PHACTR3: variants seen among roughly 807,000 people sequenced by gnomAD.
PHACTR3 encodes protein phosphatase 1, regulatory subunit 123.
A neutral mutation model predicts 66.8 loss-of-function variants in PHACTR3; 16 were observed. The ratio of observed to expected loss-of-function variants is 0.24; its 90% CI spans 0.16 to 0.36. The LOEUF (loss-of-function observed/expected upper bound fraction) is 0.36. PHACTR3 is among the 10% of genes least tolerant of loss of function. PHACTR3 has a pLI of 1.00. For synonymous variants in PHACTR3, 323 were observed against 292.1 expected (o/e 1.11, Z -1.08); for missense variants, 647 against 719.9 (o/e 0.90, Z 1.16).
intron 8 of PHACTR3, among the ~76,000 whole-genome samples, chr20:59,817,539 G>A (rs2041920745): frequency 6.6e-6 from 1 of 152,272 alleles, no homozygotes; most frequent in African/African-American, 2.4e-5. Context: ...CGCCACAGGA[G>A]GCGGGTGGGG....
chr20:59,723,044 T>C (rs533493972), intron 1 of PHACTR3, among the ~76,000 whole-genome samples: 13 of 149,718 alleles, frequency 8.7e-5, no homozygotes, highest in African/African-American at 2.2e-4. Flanking sequence ...TTATTTCTCT[T>C]TTTCTTTCTT....
At chr20:59,702,347 G>T (rs2037535754) in intron 1 of PHACTR3, among the ~76,000 whole-genome samples, 1 of 152,010 alleles carries the variant, frequency 6.6e-6, no homozygotes, top group South Asian at 2.1e-4. Context: ...GTTCTTTTGT[G>T]CACCATGTTG....
chr20:59,820,606 A>G lies in PHACTR3; in HGVS notation c.1328+14412A>G, dbSNP rs931749279. On this transcript the variant is annotated intron_variant, in intron 8 of 12. Transcript: ENST00000371015. The surrounding 1 kb of genome is among the most constrained non-coding windows in gnomAD (Gnocchi z 4.6). ...TGCAGGGTACAGGGAGTGGGTCCCG[A>G]GTCCCATCCTGTGCAGGGGAGAGGC... Among the ~76,000 whole-genome samples the G allele has an allele frequency of 6.6e-6, 1 of 152,172 alleles. No individual in the cohort carries two copies. Among genetic ancestry groups the G allele is most frequent in the Non-Finnish European group, 1.5e-5 (1 of 68,030 alleles).
rs2040861664 is a variant in PHACTR3, at chr20:59,785,106, G to A, written c.1174+10616G>A. Among the ~76,000 whole-genome samples, 3 of 152,314 alleles carry A rather than the reference G, an allele frequency of 2.0e-5. No homozygotes were observed. The South Asian group carries it at 6.2e-4, about 32-fold the overall frequency. On this transcript the variant is annotated intron_variant, in intron 7 of 12. Transcript: ENST00000371015. ...GGGTCTGCAGGGAGTGTCAGAGTCAGCTCCAGCTGCCGTAACAGGATACCA... is the reference window on the plus strand; with the variant it reads ...GGGTCTGCAGGGAGTGTCAGAGTCAACTCCAGCTGCCGTAACAGGATACCA...
intron 2 of PHACTR3, among the ~76,000 whole-genome samples, chr20:59,744,266 A>T (rs2039283022): frequency 6.6e-6 from 1 of 152,210 alleles, no homozygotes; most frequent in Non-Finnish European, 1.5e-5. Context: ...GGCGGGGCTG[A>T]GGCTTGGACC....
chr20:59,828,508 G>T lies in PHACTR3; in HGVS notation c.1329-7997G>T, dbSNP rs533688667. 4.6e-5 allele frequency among the ~76,000 whole-genome samples: 7 copies of T among 152,224 alleles called. No individual in the cohort carries two copies. In the South Asian group the frequency reaches 1.2e-3, roughly 27 times the overall value. On this transcript the variant is annotated intron_variant, in intron 8 of 12. Transcript: ENST00000371015. ...TATATTGCAGATAGGGTGTTATGTT[G>T]TTTTTTTGGTTATGCGTGTCAGGGA...
intron 8 of PHACTR3, among the ~76,000 whole-genome samples, chr20:59,828,632 G>A (rs747836365): frequency 1.3e-3 from 195 of 152,136 alleles, no homozygotes; most frequent in Middle Eastern, 3.4e-3. Context: ...CATCTTTGCC[G>A]GACAGGGACA....
At chr20:59,740,405 C>T (rs544283604) in intron 1 of PHACTR3, among the ~76,000 whole-genome samples, 1 of 152,078 alleles carries the variant, frequency 6.6e-6, no homozygotes, top group Admixed American at 6.5e-5. Flanking sequence ...ACCTCCTAGG[C>T]TCAAGTGATC....
chr20:59,644,480 G>A (rs1284927596), intron 1 of PHACTR3, among the ~76,000 whole-genome samples: 2 of 152,180 alleles, frequency 1.3e-5, no homozygotes, highest in Non-Finnish European at 2.9e-5. Flanking sequence ...CTGAATTGTA[G>A]ACTCCAACAG....
intron 1 of PHACTR3, among the ~76,000 whole-genome samples, chr20:59,701,202 G>A (rs934557955): frequency 7.9e-5 from 12 of 152,258 alleles, no homozygotes; most frequent in African/African-American, 2.9e-4. Flanking sequence ...CTTGTATTTA[G>A]CAAAAGCTCC....
At chr20:59,753,348 C>T (rs1034148457) in intron 3 of PHACTR3, among the ~76,000 whole-genome samples, 2 of 152,118 alleles carry the variant, frequency 1.3e-5, no homozygotes, top group Admixed American at 6.5e-5. Context: ...TTTTCATTCT[C>T]CCCGGAGGAG....
chr20:59,718,178 ACTGTT>A (rs79366427), intron 1 of PHACTR3, among the ~76,000 whole-genome samples: 2 of 152,170 alleles, frequency 1.3e-5, no homozygotes, highest in Non-Finnish European at 2.9e-5. Flanking sequence ...CAGCTGTGTC[ACTGTT>A]GGTGCCCACC....
At chr20:59,813,206 C>T (rs2041789182) in intron 8 of PHACTR3, among the ~76,000 whole-genome samples, 1 of 136,250 alleles carries the variant, frequency 7.3e-6, no homozygotes, top group Admixed American at 6.9e-5. Context: ...GATCTTACTA[C>T]CTTCCCCAAG....
chr20:59,755,005 G>T (rs939994699), intron 3 of PHACTR3, among the ~76,000 whole-genome samples, 177 bp from the exon 4 acceptor site: 2 of 152,158 alleles, frequency 1.3e-5, no homozygotes, highest in Admixed American at 1.3e-4. Flanking sequence ...GAGGTGCCCA[G>T]GGCTCCCCTG....
intron 1 of PHACTR3, among the ~76,000 whole-genome samples, chr20:59,656,510 A>G (rs542893709): frequency 6.6e-6 from 1 of 151,702 alleles, no homozygotes; most frequent in Non-Finnish European, 1.5e-5. Flanking sequence ...TCCATTCTTT[A>G]CTTCAAACTG....
upstream of PHACTR3, among the ~76,000 whole-genome samples, chr20:59,602,704 C>T (rs1399334986): frequency 2.0e-5 from 3 of 152,142 alleles, no homozygotes; most frequent in Non-Finnish European, 4.4e-5. Flanking sequence ...GGGTCAGCTG[C>T]AGGCTTCCTT....
intron 1 of PHACTR3, among the ~76,000 whole-genome samples, chr20:59,694,607 A>T (rs756196073): frequency 9.3e-4 from 142 of 152,148 alleles, no homozygotes; most frequent in Non-Finnish European, 1.4e-3. Flanking sequence ...TTATTCTTCA[A>T]CAAGCTAGGT....
At chr20:59,725,994 C>A (rs1465234245) in intron 1 of PHACTR3, among the ~76,000 whole-genome samples, 3 of 152,198 alleles carry the variant, frequency 2.0e-5, no homozygotes, top group Non-Finnish European at 2.9e-5. Context: ...TACTCCGATC[C>A]TCTCCGACAG....
chr20:59,652,765 A>T (rs941845781), intron 1 of PHACTR3, among the ~76,000 whole-genome samples: 2 of 152,148 alleles, frequency 1.3e-5, no homozygotes, highest in Admixed American at 1.3e-4. Context: ...CACGTCCACA[A>T]TCCATAATAT....
Sources: gnomAD v4.1 joint callset for allele counts (sites outside exome capture counted in the v4.1 genomes callset) on GRCh38, gnomAD v4.1.1 for gene constraint, Gnocchi (gnomAD v3.1) non-coding constraint, MANE v1.5 for transcripts, NCBI Gene and HGNC (gene_info 2026-07-23, HGNC 2026-07-21) for gene names.